The following HORMAD2 variants were observed in gnomAD, a reference collection of about 807,000 sequenced individuals.
HORMAD2 encodes HORMA domain containing 2.
In HORMAD2, 45 loss-of-function variants were observed where a neutral mutation model predicts 38.8. The observed-to-expected ratio is 1.16, with a 90% CI of 0.91 to 1.49. HORMAD2 has a LOEUF of 1.49. Ranked by LOEUF, HORMAD2 falls within the 40% of genes most tolerant of loss-of-function variation. The pLI is 0.00. For missense variants in HORMAD2, 338 were observed against 367.0 expected, an observed-to-expected ratio of 0.92 and a Z score of 0.65; for synonymous variants, 126 against 122.8, an observed-to-expected ratio of 1.03 and a Z score of -0.17.
At chr22:30,112,397 T>G (rs1219229312) in intron 6 of HORMAD2, 99 bp from the exon 7 acceptor site, 8 of 652,164 alleles carry the variant, frequency 1.2e-5, no homozygotes, top group Non-Finnish European at 1.6e-5. Context: ...TGTACTCAAC[T>G]AATAGAACAC....
chr22:30,178,442 G>A (rs542094186), downstream of HORMAD2, among the ~76,000 whole-genome samples: 33 of 152,314 alleles, frequency 2.2e-4, no homozygotes, highest in South Asian at 6.6e-3. Context: ...CACGGAAGGA[G>A]ATCTGTTACC....
downstream of HORMAD2, among the ~76,000 whole-genome samples, chr22:30,177,715 CTTTTTT>C (rs59806772): frequency 1.1e-5 from 1 of 94,876 alleles, no homozygotes; most frequent in Non-Finnish European, 2.0e-5. Flanking sequence ...TAAGGAGGAG[CTTTTTT>C]TTTTTTTTTT....
chr22:30,180,784 C>G (rs1201148880), downstream of HORMAD2, among the ~76,000 whole-genome samples: 1 of 151,114 alleles, frequency 6.6e-6, no homozygotes, highest in Non-Finnish European at 1.5e-5. Context: ...CCTTCCTTTC[C>G]CTTCCCTTCC....
intron 1 of HORMAD2, among the ~76,000 whole-genome samples, chr22:30,087,346 C>T (rs2068588058): frequency 6.6e-6 from 1 of 152,110 alleles, no homozygotes; most frequent in Non-Finnish European, 1.5e-5. Context: ...GTGGAACAGT[C>T]TTATGATCAG....
intron 1 of HORMAD2, among the ~76,000 whole-genome samples, chr22:30,086,488 A>G (rs1035052573): frequency 1.3e-5 from 2 of 152,180 alleles, no homozygotes; most frequent in Non-Finnish European, 2.9e-5. Context: ...ATAAAAGTAT[A>G]AGGGAAAATA....
intron 7 of HORMAD2, among the ~76,000 whole-genome samples, chr22:30,118,215 C>T (rs749494839): frequency 6.6e-6 from 1 of 152,162 alleles, no homozygotes; most frequent in Non-Finnish European, 1.5e-5. Context: ...TCTCCTTTAT[C>T]ACCTCATTTC....
intron 1 of HORMAD2, among the ~76,000 whole-genome samples, chr22:30,088,191 C>A (rs1381708884): frequency 2.0e-5 from 3 of 147,664 alleles, no homozygotes; most frequent in Admixed American, 6.8e-5. Context: ...ACATATATAC[C>A]TATGTATACA....
chr22:30,114,707 A>G lies in HORMAD2; in HGVS notation c.342+2185A>G, dbSNP rs151202399. 1.3e-3 allele frequency among the ~76,000 whole-genome samples: 199 copies of G among 152,352 alleles called. 1 individual carries two copies. In the East Asian group the frequency reaches 0.03, roughly 23 times the overall value. The stretch of plus-strand genomic sequence containing the variant: ...AATTTGCAGCACTCTTGTGAAGAGT[A>G]TGTCATGGTATAACAATTGAGAACC... On this transcript the variant is annotated intron_variant, in intron 7 of 10. Coordinates refer to ENST00000336726, the MANE Select transcript of HORMAD2 (RefSeq NM_152510.4).
intron 10 of HORMAD2, among the ~76,000 whole-genome samples, chr22:30,158,029 C>T (rs192245272): frequency 9.2e-5 from 14 of 151,824 alleles, no homozygotes; most frequent in African/African-American, 3.4e-4. Flanking sequence ...CCATGTGAAC[C>T]TGTTAGATTT....
intron 10 of HORMAD2, among the ~76,000 whole-genome samples, chr22:30,164,450 C>A (rs966737755): frequency 6.6e-6 from 1 of 152,166 alleles, no homozygotes; most frequent in Non-Finnish European, 1.5e-5. Flanking sequence ...TTCACAGCAT[C>A]CCCAACTTGT....
At chr22:30,111,035 A>C (rs958376808) in intron 5 of HORMAD2, among the ~76,000 whole-genome samples, 20 of 151,912 alleles carry the variant, frequency 1.3e-4, no homozygotes, top group African/African-American at 4.8e-4. Context: ...GCATGCGTGT[A>C]ATCCCAGCTA....
chr22:30,155,296 A>C (rs1307119099), intron 10 of HORMAD2, among the ~76,000 whole-genome samples: 1 of 152,162 alleles, frequency 6.6e-6, no homozygotes, highest in East Asian at 1.9e-4. Context: ...CTTAGCAACT[A>C]TGTAAGTTAT....
chr22:30,118,295 C>T (rs975561094), intron 7 of HORMAD2, among the ~76,000 whole-genome samples: 2 of 152,104 alleles, frequency 1.3e-5, no homozygotes, highest in African/African-American at 2.4e-5. Flanking sequence ...AGAGGCATCC[C>T]TCCCCACTTC....
chr22:30,195,687 TTAG>T, the HORMAD2 span, among the ~76,000 whole-genome samples: 6 of 152,342 alleles, frequency 3.9e-5, 1 homozygote, highest in Middle Eastern at 0.01. Flanking sequence ...AAACTGAGGC[TTAG>T]TGAACTCAGG....
At chr22:30,178,062 A>G (rs1926556968), downstream of HORMAD2, among the ~76,000 whole-genome samples, 1 of 152,170 alleles carries the variant, frequency 6.6e-6, no homozygotes, top group African/African-American at 2.4e-5. Context: ...GCTTGTCTTC[A>G]CTGCAGGTAT....
intron 10 of HORMAD2, among the ~76,000 whole-genome samples, chr22:30,125,816 G>A (rs1358437920): frequency 1.3e-5 from 2 of 152,114 alleles, no homozygotes; most frequent in Non-Finnish European, 2.9e-5. Context: ...ATATGTATCA[G>A]TGATACAGCT....
At chr22:30,116,242 G>T (rs1456612742) in intron 7 of HORMAD2, among the ~76,000 whole-genome samples, 3 of 152,176 alleles carry the variant, frequency 2.0e-5, no homozygotes, top group African/African-American at 7.2e-5. Context: ...CAGAGATAAG[G>T]TTAGAGAGGC....
At chr22:30,158,452 C>A (rs977452723) in intron 10 of HORMAD2, among the ~76,000 whole-genome samples, 1 of 151,870 alleles carries the variant, frequency 6.6e-6, no homozygotes, top group Non-Finnish European at 1.5e-5. Context: ...CTTGCTCACT[C>A]TTTCTTTCCT....
At chr22:30,088,069 A>G (rs1390478940) in intron 1 of HORMAD2, among the ~76,000 whole-genome samples, 1 of 151,586 alleles carries the variant, frequency 6.6e-6, no homozygotes, top group Non-Finnish European at 1.5e-5. Context: ...ACATATACAC[A>G]CACGTACACA....
Sources: gnomAD v4.1 joint callset for allele counts (sites outside exome capture counted in the v4.1 genomes callset) on GRCh38, gnomAD v4.1.1 for gene constraint, MANE v1.5 for transcripts, NCBI Gene and HGNC (gene_info 2026-07-23, HGNC 2026-07-21) for gene names.